Variants in VPS8 observed in about 807,000 individuals in gnomAD.
VPS8 encodes vacuolar protein sorting-associated protein 8 homolog.
Under a neutral mutation model 216.4 loss-of-function variants are expected in VPS8, and 129 were observed. The observed-to-expected ratio is 0.60, with a 90% CI of 0.52 to 0.69. VPS8 has a LOEUF of 0.69. Among genes scored for constraint, VPS8 ranks in the 30% least tolerant of loss-of-function variants. VPS8 has a pLI of 0.00. For missense variants in VPS8, 1,531 were observed against 1,683.5 expected (o/e 0.91, Z 1.59); for synonymous variants, 571 against 565.4 (o/e 1.01, Z -0.14).
intron 42 of VPS8, among the ~76,000 whole-genome samples, chr3:184,984,615 A>G (rs912194375): frequency 3.3e-5 from 5 of 152,144 alleles, no homozygotes; most frequent in African/African-American, 1.2e-4. Context: ...TACATGTATT[A>G]TTTCATTTGA....
intron 26 of VPS8, 22 bp from the exon 27 acceptor site, chr3:184,914,959 C>T (rs375199741): frequency 1.2e-6 from 2 of 1,609,806 alleles, no homozygotes; most frequent in Non-Finnish European, 1.7e-6. Context: ...TCACCATATC[C>T]ATTCTCATTC....
chr3:184,957,582 G>T, intron 37 of VPS8, 61 bp downstream of exon 37: 2 of 1,489,774 alleles, frequency 1.3e-6, no homozygotes, highest in Admixed American at 2.5e-5. Flanking sequence ...CCATTTGACA[G>T]ATGATCAAAG....
intron 43 of VPS8, among the ~76,000 whole-genome samples, chr3:184,994,441 T>C (rs1040932079): frequency 6.6e-6 from 1 of 151,124 alleles, no homozygotes; most frequent in African/African-American, 2.4e-5. Flanking sequence ...CAGTGAGCTA[T>C]GATTGTGCCA....
At position 185,026,515 on chromosome 3, in the gene VPS8, G is replaced by A. The variant is rs530724692; in HGVS notation, c.4056+2126G>A. ...TAACCTCTGCCTCCCGTGTTCAAGC[G>A]ATTCTCCTGCCTCAGCCTCCTGAGT... On this transcript the variant is annotated intron_variant, in intron 46 of 47. Transcript: ENST00000625842. Among the ~76,000 whole-genome samples, 29 of 149,350 alleles carry A rather than the reference G, an allele frequency of 1.9e-4. No individual in the cohort carries two copies. The East Asian group carries it at 5.0e-3, about 26-fold the overall frequency.
chr3:185,023,049 A>G (rs1352480089), intron 45 of VPS8, among the ~76,000 whole-genome samples: 1 of 152,206 alleles, frequency 6.6e-6, no homozygotes, highest in Admixed American at 6.5e-5. Flanking sequence ...TGACATATGT[A>G]TACACTCATG....
At chr3:184,910,710 G>A (rs1038179166) in intron 25 of VPS8, among the ~76,000 whole-genome samples, 3 of 151,982 alleles carry the variant, frequency 2.0e-5, no homozygotes, top group Admixed American at 1.3e-4. Flanking sequence ...TTTTCTGATC[G>A]CCGCCGTGCC....
intron 21 of VPS8, among the ~76,000 whole-genome samples, chr3:184,875,588 A>G (rs1051414229): frequency 1.3e-5 from 2 of 152,016 alleles, no homozygotes; most frequent in African/African-American, 4.8e-5. Flanking sequence ...TTCCCACCCT[A>G]AAACTAAGTC....
chr3:184,952,289 T>C (rs1184330579), intron 36 of VPS8, among the ~76,000 whole-genome samples: 2 of 152,184 alleles, frequency 1.3e-5, no homozygotes, highest in Non-Finnish European at 2.9e-5. Flanking sequence ...ATTGGTGACG[T>C]GTGTGGGGAT....
At chr3:184,895,059 A>G (rs775213580) in intron 23 of VPS8, 134 bp downstream of exon 23, 17 of 710,564 alleles carry the variant, frequency 2.4e-5, no homozygotes, top group Non-Finnish European at 3.4e-5. Flanking sequence ...TGTAAGATGT[A>G]TTATAAACTT....
intron 46 of VPS8, among the ~76,000 whole-genome samples, chr3:185,041,072 G>A (rs575581678): frequency 2.5e-4 from 38 of 152,238 alleles, no homozygotes; most frequent in African/African-American, 8.7e-4. Context: ...GGGCATGGTG[G>A]TACGCATCTG....
At chr3:184,965,548 T>C (rs1333587102) in intron 38 of VPS8, among the ~76,000 whole-genome samples, 1 of 152,220 alleles carries the variant, frequency 6.6e-6, no homozygotes, top group Non-Finnish European at 1.5e-5. Context: ...GGCTCCGCTG[T>C]GTAATATATA....
intron 3 of VPS8, among the ~76,000 whole-genome samples, chr3:184,830,454 T>TCACACACACACA (rs3040915): frequency 8.5e-4 from 125 of 147,792 alleles, no homozygotes; most frequent in African/African-American, 3.0e-3. Flanking sequence ...GTTTATCAGT[T>TCACACACACACA]CACACACACA....
chr3:184,960,450 C>T lies in VPS8; in HGVS notation c.3183+2929C>T, dbSNP rs184649394. 1.1e-4 allele frequency among the ~76,000 whole-genome samples: 16 copies of T among 152,282 alleles called. No individual in the cohort carries two copies. The East Asian group carries it at 3.1e-3, about 29-fold the overall frequency. On this transcript the variant is annotated intron_variant, in intron 37 of 47. Coordinates refer to ENST00000625842, the MANE Select transcript of VPS8 (RefSeq NM_001009921.3). Reference sequence around the variant, plus strand: ...ATATTTCGTTATTTTCTGTGGCCTACAACAGTTTAACATAATAACCCAAAA... The same window carrying T: ...ATATTTCGTTATTTTCTGTGGCCTATAACAGTTTAACATAATAACCCAAAA...
intron 25 of VPS8, among the ~76,000 whole-genome samples, chr3:184,902,111 GC>G (rs541230872): frequency 0.1 from 14,656 of 139,612 alleles, 827 homozygotes; most frequent in Admixed American, 0.15. Context: ...TAAATATTTA[GC>G]CCCCCCCCCC....
intron 41 of VPS8, 149 bp downstream of exon 41, chr3:184,982,796 T>G: frequency 1.3e-6 from 1 of 751,454 alleles, no homozygotes; most frequent in East Asian, 2.8e-5. Flanking sequence ...TGATCTCATC[T>G]TTCATGTTTC....
chr3:184,814,752 G>A (rs1369141433), intron 1 of VPS8, among the ~76,000 whole-genome samples: 2 of 152,188 alleles, frequency 1.3e-5, no homozygotes, highest in Non-Finnish European at 2.9e-5. Flanking sequence ...GTACACTACT[G>A]TAGACTTTTT....
At chr3:184,910,128 A>AT (rs10707371) in intron 25 of VPS8, among the ~76,000 whole-genome samples, 7,613 of 87,242 alleles carry the variant, frequency 0.087, 618 homozygotes, top group African/African-American at 0.19. Context: ...AGATTCTCCT[A>AT]TTTTTTTTTT....
intron 13 of VPS8, among the ~76,000 whole-genome samples, chr3:184,855,268 T>A (rs566871685): frequency 6.6e-6 from 1 of 152,340 alleles, no homozygotes; most frequent in African/African-American, 2.4e-5. Flanking sequence ...TGCCCTTTAT[T>A]ACATATCTGT....
Position 184,866,864 on chromosome 3 carries a change from T to A in VPS8, c.1396-12T>A. On this transcript the variant is annotated splice_polypyrimidine_tract_variant and intron_variant, in intron 16 of 47. Coordinates refer to ENST00000625842, the MANE Select transcript of VPS8 (RefSeq NM_001009921.3). ...TTTTTTTACCTTTTTTGTATGTATGTTTTTCTTCCAGGCTTTGGTTGGAGA... is the reference window on the plus strand; with the variant it reads ...TTTTTTTACCTTTTTTGTATGTATGATTTTCTTCCAGGCTTTGGTTGGAGA... 6.2e-7 allele frequency: 1 copy of A among 1,607,744 alleles called. No individual in the cohort carries two copies. The highest frequency in any genetic ancestry group is 8.5e-7 in the Non-Finnish European group (1 of 1,178,218).
Sources: gnomAD v4.1 joint callset for allele counts (sites outside exome capture counted in the v4.1 genomes callset) on GRCh38, gnomAD v4.1.1 for gene constraint, MANE v1.5 for transcripts, NCBI Gene and HGNC (gene_info 2026-07-23, HGNC 2026-07-21) for gene names.